KLF8: variants seen among roughly 807,000 people sequenced by gnomAD.
KLF8 encodes Krueppel-like factor 8.
Under a neutral mutation model 18.2 loss-of-function variants are expected in KLF8, and 10 were observed. The ratio of observed to expected loss-of-function variants is 0.55; its 90% CI spans 0.34 to 0.93. KLF8 has a LOEUF of 0.93. Ranked by LOEUF, KLF8 falls within the 40% of genes least tolerant of loss-of-function variation. The pLI, the probability that KLF8 is intolerant of heterozygous loss-of-function variation, is 0.02. For synonymous variants in KLF8, 109 were observed against 97.3 expected (o/e 1.12, Z -0.71); for missense variants, 264 against 277.9 (o/e 0.95, Z 0.36).
At chrX:56,160,855 T>TTG in the KLF8 span, among the ~76,000 whole-genome samples, 2 of 111,584 alleles carry the variant, frequency 1.8e-5, no homozygotes, top group African/African-American at 6.5e-5. Flanking sequence ...TTTGCCAGTC[T>TTG]GTGTCTTTTA....
At chrX:56,136,501 G>C in the KLF8 span, among the ~76,000 whole-genome samples, 2 of 111,510 alleles carry the variant, frequency 1.8e-5, no homozygotes, top group African/African-American at 6.5e-5. Flanking sequence ...CAAGCAATGG[G>C]GAAAGGATTC....
At chrX:56,271,699 G>A (rs948626361) in intron 5 of KLF8, among the ~76,000 whole-genome samples, 4 of 111,299 alleles carry the variant, frequency 3.6e-5, no homozygotes, top group African/African-American at 1.3e-4. Flanking sequence ...CTCTTCCATG[G>A]GAGATGGATG....
chrX:56,132,672 G>A, the KLF8 span, among the ~76,000 whole-genome samples: 1 of 111,188 alleles, frequency 9.0e-6, no homozygotes, highest in African/African-American at 3.3e-5. Flanking sequence ...AAAGATCAGA[G>A]CAGAACTAAA....
the KLF8 span, among the ~76,000 whole-genome samples, chrX:56,043,487 A>G: frequency 9.0e-6 from 1 of 111,085 alleles, no homozygotes; most frequent in Non-Finnish European, 1.9e-5. Context: ...TAATGAACCC[A>G]TATTTCTCAG....
At chrX:56,126,983 C>T in the KLF8 span, among the ~76,000 whole-genome samples, 1 of 109,009 alleles carries the variant, frequency 9.2e-6, no homozygotes, top group Non-Finnish European at 1.9e-5. Flanking sequence ...GACCTCCTGA[C>T]CTCAAGTGAT....
chrX:55,937,949 T>C, the KLF8 span, among the ~76,000 whole-genome samples: 1 of 112,086 alleles, frequency 8.9e-6, no homozygotes, highest in African/African-American at 3.2e-5. Flanking sequence ...CAAAACACTG[T>C]GCAGGCTATT....
At chrX:56,014,073 G>A in the KLF8 span, among the ~76,000 whole-genome samples, 9,564 of 111,022 alleles carry the variant, frequency 0.086, 999 homozygotes, top group African/African-American at 0.3. Flanking sequence ...ACATAGGCAC[G>A]GGCAAAGATT....
chrX:55,926,403 A>T, the KLF8 span, among the ~76,000 whole-genome samples: 1 of 110,303 alleles, frequency 9.1e-6, no homozygotes, highest in Non-Finnish European at 1.9e-5. Flanking sequence ...GGGCTGCTTA[A>T]TTATAAAGTA....
chrX:56,017,730 TTTAG>T, the KLF8 span, among the ~76,000 whole-genome samples: 1 of 111,632 alleles, frequency 9.0e-6, no homozygotes, highest in Non-Finnish European at 1.9e-5. Context: ...TAGTTCTCTT[TTTAG>T]TTAAAGATAA....
the KLF8 span, among the ~76,000 whole-genome samples, chrX:56,176,201 T>C: frequency 8.9e-6 from 1 of 111,885 alleles, no homozygotes; most frequent in East Asian, 2.8e-4. Flanking sequence ...CTAGCCTCCA[T>C]GGTCTTTACA....
the KLF8 span, among the ~76,000 whole-genome samples, chrX:55,975,920 A>T: frequency 1.8e-5 from 2 of 111,349 alleles, no homozygotes; most frequent in Admixed American, 9.5e-5. Flanking sequence ...GACCAGCCTG[A>T]CCAACGTGGA....
the KLF8 span, among the ~76,000 whole-genome samples, chrX:56,083,734 G>A: frequency 5.4e-5 from 6 of 111,313 alleles, no homozygotes; most frequent in Admixed American, 9.6e-5. Context: ...CCTGAACTCC[G>A]CCTGCTGTCA....
the KLF8 span, among the ~76,000 whole-genome samples, chrX:56,179,260 A>G: frequency 9.0e-6 from 1 of 111,724 alleles, no homozygotes; most frequent in African/African-American, 3.3e-5. Flanking sequence ...GCAATTGTGA[A>G]TTGGAGTTCA....
At chrX:56,155,315 T>C in the KLF8 span, among the ~76,000 whole-genome samples, 1 of 111,319 alleles carries the variant, frequency 9.0e-6, no homozygotes. Flanking sequence ...GGGACATGCA[T>C]GAAGCTGGAA....
At chrX:56,044,617 G>A in the KLF8 span, among the ~76,000 whole-genome samples, 2 of 112,746 alleles carry the variant, frequency 1.8e-5, no homozygotes, top group Non-Finnish European at 3.8e-5. Flanking sequence ...GCACTGTGGG[G>A]GACCATCCCT....
chrX:56,129,154 T>C, the KLF8 span, among the ~76,000 whole-genome samples: 3 of 111,998 alleles, frequency 2.7e-5, no homozygotes, highest in Non-Finnish European at 5.6e-5. Flanking sequence ...CTGAAAAAAG[T>C]GGCAGAAAGG....
chrX:56,052,849 G>C, the KLF8 span, among the ~76,000 whole-genome samples: 1 of 111,507 alleles, frequency 9.0e-6, no homozygotes, highest in Non-Finnish European at 1.9e-5. Flanking sequence ...GGGCAATGGC[G>C]GGCACCCCTC....
chrX:56,188,303 C>G, the KLF8 span, among the ~76,000 whole-genome samples: 1 of 111,122 alleles, frequency 9.0e-6, no homozygotes, highest in Non-Finnish European at 1.9e-5. Context: ...CCTAGGAATC[C>G]AACTTACAAG....
chrX:55,923,821 G>T, the KLF8 span, among the ~76,000 whole-genome samples: 28 of 109,464 alleles, frequency 2.6e-4, no homozygotes, highest in Admixed American at 2.5e-3. Flanking sequence ...TTCATGTATA[G>T]TGTGCAAATG....
Sources: allele counts gnomAD v4.1 joint callset (sites outside exome capture counted in the v4.1 genomes callset), GRCh38; gene constraint gnomAD v4.1.1; transcripts MANE v1.5; gene names NCBI Gene and HGNC (gene_info 2026-07-23, HGNC 2026-07-21).